TBC1D22B: variants seen among roughly 807,000 people sequenced by gnomAD.
TBC1D22B encodes the protein TBC1 domain family member 22B, also known as chromosome 6 open reading frame 197.
In TBC1D22B, 32 loss-of-function variants were observed where a neutral mutation model predicts 69.1. That is an observed-to-expected ratio of 0.46 (90% CI 0.35 to 0.62). TBC1D22B has a LOEUF of 0.62. Ranked by LOEUF, TBC1D22B falls within the 20% of genes least tolerant of loss-of-function variation. TBC1D22B has a pLI of 0.00. For missense variants in TBC1D22B, 462 were observed against 630.9 expected, an observed-to-expected ratio of 0.73 and a Z score of 2.87; for synonymous variants, 206 against 229.8, an observed-to-expected ratio of 0.90 and a Z score of 0.94.
intron 12 of TBC1D22B, among the ~76,000 whole-genome samples, chr6:37,328,765 C>T (rs1002210899): frequency 6.6e-6 from 1 of 152,046 alleles, no homozygotes; most frequent in African/African-American, 2.4e-5. Flanking sequence ...AGAGTAGCTT[C>T]ACCCAGGCTG....
At position 37,305,985 on chromosome 6, in the gene TBC1D22B, A is replaced by T. The variant is rs150570932; in HGVS notation, c.983-6933A>T. ...CTGCCTCCTGGCCCCATCTTCGTAG[A>T]TGAAGCAGCCTCCCATGTGATAGGC... On this transcript the variant is annotated intron_variant, in intron 8 of 12. Coordinates refer to ENST00000373491, the MANE Select transcript of TBC1D22B (RefSeq NM_017772.4). Among the ~76,000 whole-genome samples the T allele has an allele frequency of 1.8e-4, 27 of 152,314 alleles. No individual in the cohort carries two copies. In the East Asian group the frequency reaches 4.4e-3, roughly 25 times the overall value.
rs537782177 is a variant in TBC1D22B at position 37,260,040 on chromosome 6, A to G, written c.56+2067A>G. Reference sequence around the variant, plus strand: ...TATTCAAATATTGTCACAATTCATAATAGTTTTTAGTACCTTACTTGGTAA... The same window carrying G: ...TATTCAAATATTGTCACAATTCATAGTAGTTTTTAGTACCTTACTTGGTAA... On this transcript the variant is annotated intron_variant, in intron 1 of 12. Coordinates refer to ENST00000373491, the MANE Select transcript of TBC1D22B (RefSeq NM_017772.4). Among the ~76,000 whole-genome samples, 8 of 152,334 alleles carry G rather than the reference A, an allele frequency of 5.3e-5. No individual in the cohort carries two copies. The South Asian group carries it at 1.4e-3, about 28-fold the overall frequency.
intron 10 of TBC1D22B, among the ~76,000 whole-genome samples, chr6:37,314,792 C>T (rs375454450): frequency 1.3e-5 from 2 of 150,200 alleles, no homozygotes; most frequent in Non-Finnish European, 3.0e-5. Context: ...CCACCCCCAA[C>T]ATTGTATATC....
intron 8 of TBC1D22B, among the ~76,000 whole-genome samples, chr6:37,305,136 C>T (rs1017570786): frequency 6.6e-6 from 1 of 152,202 alleles, no homozygotes; most frequent in Non-Finnish European, 1.5e-5. Flanking sequence ...GCTCGCCCCC[C>T]ACGCTCAGTC....
Position 37,257,990 on chromosome 6 carries a change from G to C in TBC1D22B, c.56+17G>C, listed in dbSNP as rs375080602. The C allele has an allele frequency of 6.2e-7, 1 of 1,613,560 alleles. No individual in the cohort carries two copies. The highest frequency in any genetic ancestry group is 1.3e-5 in the African/African-American group (1 of 74,938). ...GCCGGGGAGGTGAGCCCAGGACGCT[G>C]AGAGGGATAGGGGATTGGACCAAAC... On this transcript the variant is annotated intron_variant, in intron 1 of 12. Coordinates refer to ENST00000373491, the MANE Select transcript of TBC1D22B (RefSeq NM_017772.4).
chr6:37,296,538 T>C (rs1004665900), intron 8 of TBC1D22B, among the ~76,000 whole-genome samples: 3 of 152,042 alleles, frequency 2.0e-5, no homozygotes, highest in African/African-American at 4.8e-5. Flanking sequence ...TTTTTAGAGA[T>C]AAATTTTTGC....
At chr6:37,263,428 GTGT>G (rs1766172448) in intron 1 of TBC1D22B, among the ~76,000 whole-genome samples, 1 of 152,210 alleles carries the variant, frequency 6.6e-6, no homozygotes, top group South Asian at 2.1e-4. Flanking sequence ...AAAATACTGT[GTGT>G]TGTTTATGGA....
At chr6:37,317,279 C>T (rs139954858) in intron 12 of TBC1D22B, 73 bp downstream of exon 12, 339 of 1,432,894 alleles carry the variant, frequency 2.4e-4, no homozygotes, top group African/African-American at 1.8e-3. Context: ...GTGGGCAGTG[C>T]AGACAGAAGG....
intron 6 of TBC1D22B, among the ~76,000 whole-genome samples, chr6:37,285,315 C>CTTTTTTTTTTTTTT (rs756459599): frequency 6.8e-5 from 5 of 73,552 alleles, no homozygotes; most frequent in African/African-American, 3.0e-4. Flanking sequence ...TCCTTCCCCA[C>CTTTTTTTTTTTTTT]TTTTTTTTTT....
At chr6:37,278,793 C>T (rs1426076738) in intron 2 of TBC1D22B, among the ~76,000 whole-genome samples, 7 of 152,024 alleles carry the variant, frequency 4.6e-5, no homozygotes. Flanking sequence ...ATTAGCCAGG[C>T]ATCGTGGTGT....
chr6:37,270,257 G>C (rs978778696), intron 2 of TBC1D22B, among the ~76,000 whole-genome samples: 1 of 152,092 alleles, frequency 6.6e-6, no homozygotes, highest in East Asian at 1.9e-4. Flanking sequence ...TTCGAGACCA[G>C]CCTGGCCAAT....
chr6:37,273,650 G>A (rs1766572214), intron 2 of TBC1D22B, among the ~76,000 whole-genome samples: 1 of 152,198 alleles, frequency 6.6e-6, no homozygotes, highest in Non-Finnish European at 1.5e-5. Flanking sequence ...TAATTACTTA[G>A]CTTTACAGTT....
chr6:37,272,602 T>G (rs1172247344), intron 2 of TBC1D22B, among the ~76,000 whole-genome samples: 2 of 151,354 alleles, frequency 1.3e-5, no homozygotes, highest in Non-Finnish European at 3.0e-5. Flanking sequence ...TGCCCATGCT[T>G]GTCTCAAACT....
chr6:37,292,079 A>C (rs1371535099), intron 8 of TBC1D22B, among the ~76,000 whole-genome samples: 1 of 152,224 alleles, frequency 6.6e-6, no homozygotes, highest in Non-Finnish European at 1.5e-5. Flanking sequence ...TTGTTTCCTT[A>C]GGTAAGGAGA....
chr6:37,282,962 A>G lies in TBC1D22B; in HGVS notation c.672+10A>G. The G allele has an allele frequency of 1.2e-6, 2 of 1,613,020 alleles. No individual in the cohort carries two copies. The highest frequency in any genetic ancestry group is 2.7e-5 in the African/African-American group (2 of 75,000). On this transcript the variant is annotated intron_variant, in intron 5 of 12. Transcript: ENST00000373491. ...CTGGAGACTCCTGTCGGTGAGTTCT[A>G]CCCACTGTGTAGAGAAATGTGAGCC...
chr6:37,303,335 C>G (rs1253520906), intron 8 of TBC1D22B, among the ~76,000 whole-genome samples: 1 of 152,208 alleles, frequency 6.6e-6, no homozygotes, highest in Non-Finnish European at 1.5e-5. Flanking sequence ...TTTCCTGTCA[C>G]TTAAGTCAGA....
At chr6:37,280,974 C>T (rs1766808527) in intron 3 of TBC1D22B, among the ~76,000 whole-genome samples, 1 of 152,226 alleles carries the variant, frequency 6.6e-6, no homozygotes, top group Admixed American at 6.5e-5. Context: ...TTACACTAGG[C>T]ATCCCAGCCA....
intron 8 of TBC1D22B, among the ~76,000 whole-genome samples, chr6:37,293,234 C>T (rs576909565): frequency 4.6e-5 from 7 of 151,906 alleles, no homozygotes; most frequent in South Asian, 2.1e-4. Flanking sequence ...CCTGCCACCA[C>T]GCCCGGCTAA....
intron 8 of TBC1D22B, among the ~76,000 whole-genome samples, chr6:37,304,957 C>T (rs561069166): frequency 3.9e-5 from 6 of 152,170 alleles, no homozygotes; most frequent in African/African-American, 1.2e-4. Context: ...GGTTTTAAAC[C>T]GGGTGGTGAG....
Sources: gnomAD v4.1 joint callset for allele counts (sites outside exome capture counted in the v4.1 genomes callset) on GRCh38, gnomAD v4.1.1 for gene constraint, MANE v1.5 for transcripts, NCBI Gene and HGNC (gene_info 2026-07-23, HGNC 2026-07-21) for gene names.